The following IHO1 variants were observed in gnomAD, a reference collection of about 807,000 sequenced individuals.
IHO1 encodes interactor of HORMAD1 1.
IHO1 carries 13 observed loss-of-function variants against 31.0 expected under a neutral mutation model. The ratio of observed to expected loss-of-function variants is 0.42; its 90% CI spans 0.27 to 0.67. The LOEUF (loss-of-function observed/expected upper bound fraction) is 0.67, where lower values mean the gene tolerates loss of function less well. IHO1 is among the 30% of genes least tolerant of loss of function. The pLI, the probability that IHO1 is intolerant of heterozygous loss-of-function variation, is 0.24. For synonymous variants in IHO1, 221 were observed against 248.4 expected, an observed-to-expected ratio of 0.89 and a Z score of 1.04; for missense variants, 599 against 687.5, an observed-to-expected ratio of 0.87 and a Z score of 1.44.
At chr3:49,212,510 A>T (rs2046234663) in intron 2 of IHO1, among the ~76,000 whole-genome samples, 1 of 150,762 alleles carries the variant, frequency 6.6e-6, no homozygotes. Context: ...AGTGAGACTC[A>T]ATCTCAAAAA....
chr3:49,239,529 C>T (rs960913914), intron 3 of IHO1, among the ~76,000 whole-genome samples: 1 of 152,064 alleles, frequency 6.6e-6, no homozygotes, highest in Non-Finnish European at 1.5e-5. Context: ...ACCCACCTGC[C>T]TCAGCCTCCC....
At position 49,245,955 on chromosome 3, in the gene IHO1, G is replaced by A. The variant is rs145486388; in HGVS notation, c.532+1222G>A. ...TCCTAGCACTTTGGGAGGCCGAGGC[G>A]GGCAGATCACAAGGTCAGGAGTTCA... On this transcript the variant is annotated intron_variant, in intron 6 of 7. Coordinates refer to ENST00000452691, the MANE Select transcript of IHO1 (RefSeq NM_001135197.2). Among the ~76,000 whole-genome samples the A allele has an allele frequency of 5.9e-3, 890 of 151,846 alleles. 9 individuals are homozygous for A. The highest frequency in any genetic ancestry group is 0.02 in the African/African-American group (846 of 41,398).
upstream of IHO1, among the ~76,000 whole-genome samples, chr3:49,195,730 CAA>C (rs2045993005): frequency 6.6e-6 from 1 of 151,354 alleles, no homozygotes; most frequent in African/African-American, 2.4e-5. Context: ...ACAACAACAA[CAA>C]AAATAATAAA....
chr3:49,214,606 T>TCATATATATATATATATA (rs1553616582), intron 2 of IHO1, among the ~76,000 whole-genome samples: 6 of 49,518 alleles, frequency 1.2e-4, no homozygotes, highest in East Asian at 3.8e-3. Context: ...TATTTCTAGA[T>TCATATATATATATATATA]CATATATATA....
Position 49,256,730 on chromosome 3 carries a change from T to A in IHO1, c.1233T>A (p.Tyr411Ter). 6.2e-7 allele frequency: 1 copy of A among 1,614,144 alleles called. No individual in the cohort carries two copies. The highest frequency in any genetic ancestry group is 8.5e-7 in the Non-Finnish European group (1 of 1,180,018). The part of the protein sequence containing the change: ...STSIKNACQK[Y>*]QAQSMFLCDP... ...GCATTAAGAATGCCTGCCAAAAATA[T>A]CAAGCCCAAAGTATGTTTTTGTGTG... Residue 411 changes from tyrosine to a stop codon, truncating the protein, a stop_gained, in exon 8 of 8, where the codon TAT (tyrosine) becomes TAA (stop). Transcript: ENST00000452691. LOFTEE classifies it low-confidence loss of function (END_TRUNC). This position sits in a 1 kb window ranked among gnomAD's most constrained non-coding sequence, Gnocchi z 4.6.
At chr3:49,239,537 C>T (rs991026449) in intron 3 of IHO1, among the ~76,000 whole-genome samples, 1 of 152,208 alleles carries the variant, frequency 6.6e-6, no homozygotes, top group Non-Finnish European at 1.5e-5. Flanking sequence ...GCCTCAGCCT[C>T]CCAAAGTTCT....
At chr3:49,221,944 C>T (rs139395169) in intron 2 of IHO1, among the ~76,000 whole-genome samples, 2 of 152,270 alleles carry the variant, frequency 1.3e-5, no homozygotes, top group Non-Finnish European at 2.9e-5. Context: ...CTTGTACTAT[C>T]GCTGACTGGT....
At chr3:49,228,211 C>A in intron 2 of IHO1, 1 of 369,666 alleles carries the variant, frequency 2.7e-6, no homozygotes, top group Non-Finnish European at 5.4e-6. Flanking sequence ...GCCGCAGGGT[C>A]AACCAACTTG....
chr3:49,243,475 G>A (rs1311225300), intron 4 of IHO1, among the ~76,000 whole-genome samples: 4 of 151,914 alleles, frequency 2.6e-5, no homozygotes, highest in African/African-American at 9.7e-5. Flanking sequence ...AGAACTGGAT[G>A]TGGCCAGGCG....
At chr3:49,214,679 G>A (rs1400042145) in intron 2 of IHO1, among the ~76,000 whole-genome samples, 20 of 84,006 alleles carry the variant, frequency 2.4e-4, no homozygotes, top group African/African-American at 9.4e-4. Context: ...CACTCTTGTT[G>A]CCCAGGCTGG....
At chr3:49,240,609 G>A (rs2046619310) in intron 3 of IHO1, among the ~76,000 whole-genome samples, 2 of 152,070 alleles carry the variant, frequency 1.3e-5, no homozygotes, top group East Asian at 1.9e-4. Flanking sequence ...CACCCACCTC[G>A]GCCTCCCAAA....
At chr3:49,230,253 C>T (rs1251970059) in intron 2 of IHO1, among the ~76,000 whole-genome samples, 1 of 152,162 alleles carries the variant, frequency 6.6e-6, no homozygotes, top group Non-Finnish European at 1.5e-5. Context: ...AAGAAAAAAT[C>T]AGGTAAATGG....
At chr3:49,200,475 A>AAAGAAAAAGAAAGAAAGAAAAGAAAG (rs367907809) in intron 1 of IHO1, 1 of 103,858 alleles carries the variant, frequency 9.6e-6, no homozygotes, top group African/African-American at 6.1e-5. Flanking sequence ...AAAAAAAAAA[A>AAAGAAAAAGAAAGAAAGAAAAGAAAG]AAAGAAAGAA....
intron 2 of IHO1, among the ~76,000 whole-genome samples, chr3:49,214,591 ATCTT>A (rs1431573795): frequency 9.1e-6 from 1 of 109,874 alleles, no homozygotes; most frequent in Admixed American, 1.1e-4. Flanking sequence ...GTGAAAAACT[ATCTT>A]TATTTCTAGA....
chr3:49,256,918 A>G lies in IHO1; in HGVS notation c.1421A>G (p.Lys474Arg), dbSNP rs199979723. 1.2e-6 allele frequency: 2 copies of G among 1,614,190 alleles called. No homozygotes were observed. Among genetic ancestry groups the G allele is most frequent in the African/African-American group, 2.7e-5 (2 of 75,052 alleles). ...ATCCAGACCTGTAAATTCAATTCCAAATATCAGAGTCCTCAGCCTGCAATT... is the reference window on the plus strand; with the variant it reads ...ATCCAGACCTGTAAATTCAATTCCAGATATCAGAGTCCTCAGCCTGCAATT... ...IPIQTCKFNS[K>R]YQSPQPAISV... is the part of the protein sequence containing the mutation. The change falls in exon 8 of 8, where the codon AAA becomes AGA. Residue 474 changes from lysine (K) to arginine (R), a missense_variant. Transcript: ENST00000452691. This position sits in a 1 kb window ranked among gnomAD's most constrained non-coding sequence, Gnocchi z 4.6.
rs1460932612 is a variant in IHO1 at position 49,236,708 on chromosome 3, C to A, written c.217C>A (p.Gln73Lys). The A allele has an allele frequency of 6.2e-7, 1 of 1,613,276 alleles. No individual in the cohort carries two copies. The highest frequency in any genetic ancestry group is 2.2e-5 in the East Asian group (1 of 44,864). Residue 73 changes from glutamine (Q) to lysine (K), a missense_variant, in exon 3 of 8, where the codon CAG (glutamine) becomes AAG (lysine). Gln to Lys is a moderately conservative substitution (Grantham distance 53). Transcript: ENST00000452691. ...AHLRHSKQSQ[Q>K]NYLEGEPSIF... is the part of the protein sequence containing the mutation. ...CTTGAGACATTCAAAACAGTCACAACAGAACTATCTGGAGGTGAGTCTGGT... is the reference window on the plus strand; with the variant it reads ...CTTGAGACATTCAAAACAGTCACAAAAGAACTATCTGGAGGTGAGTCTGGT...
At chr3:49,206,780 C>T (rs1359288105) in intron 1 of IHO1, among the ~76,000 whole-genome samples, 1 of 152,058 alleles carries the variant, frequency 6.6e-6, no homozygotes, top group Non-Finnish European at 1.5e-5. Context: ...CACCTGTCAT[C>T]TCAGCACTTT....
rs577996959 is a variant in IHO1 at position 49,225,549 on chromosome 3, T to G, written c.57-10999T>G. Among the ~76,000 whole-genome samples the G allele has an allele frequency of 1.3e-3, 193 of 152,072 alleles. 1 individual carries two copies. The highest frequency in any genetic ancestry group is 4.2e-3 in the African/African-American group (176 of 41,458). Reference sequence around the variant, plus strand: ...TCCTTCCAATGCCCAAACTTCAGGGTTGATTCCCTCCACCGGTAGGGGACA... The same window carrying G: ...TCCTTCCAATGCCCAAACTTCAGGGGTGATTCCCTCCACCGGTAGGGGACA... On this transcript the variant is annotated intron_variant, in intron 2 of 7. Transcript: ENST00000452691.
In IHO1 at chr3:49,244,418, A is replaced by G; in HGVS notation, c.410A>G (p.Asn137Ser). The change falls in exon 5 of 8, where the codon AAC becomes AGC. Residue 137 changes from asparagine (N) to serine (S), a missense_variant. By Grantham distance (46) the Asn-to-Ser change is conservative (BLOSUM62 1). Transcript: ENST00000452691. ...TCCTATTCTAGTGAGACTCTATACA[A>G]CTTTGTTTCTAATGTTAGAGAAAGC... ...KDKCDSETLY[N>S]FVSNVRESIL... The G allele has an allele frequency of 6.4e-7, 1 of 1,557,072 alleles. No individual in the cohort carries two copies.
Sources: gnomAD v4.1 joint callset for allele counts (sites outside exome capture counted in the v4.1 genomes callset) on GRCh38, gnomAD v4.1.1 for gene constraint, Gnocchi (gnomAD v3.1) non-coding constraint, MANE v1.5 for transcripts, NCBI Gene and HGNC (gene_info 2026-07-23, HGNC 2026-07-21) for gene names.